SNTG1: variants seen among roughly 807,000 people sequenced by gnomAD.
SNTG1 encodes syntrophin gamma 1, also known as gamma-1-syntrophin.
Under a neutral mutation model 74.7 loss-of-function variants are expected in SNTG1, and 39 were observed. That is an observed-to-expected ratio of 0.52 (90% CI 0.40 to 0.68). SNTG1 has a LOEUF of 0.68. Ranked by LOEUF, SNTG1 falls within the 30% of genes least tolerant of loss-of-function variation. SNTG1 has a pLI of 0.00. For missense variants in SNTG1, 685 were observed against 609.5 expected, an observed-to-expected ratio of 1.12 and a Z score of -1.30; for synonymous variants, 254 against 217.1, an observed-to-expected ratio of 1.17 and a Z score of -1.49.
chr8:50,408,238 G>A (rs1447578337), intron 4 of SNTG1, among the ~76,000 whole-genome samples: 1 of 151,026 alleles, frequency 6.6e-6, no homozygotes, highest in Non-Finnish European at 1.5e-5. Context: ...TTTGGGAAGC[G>A]ACTATTATCA....
intron 8 of SNTG1, among the ~76,000 whole-genome samples, chr8:50,467,745 C>A (rs1343868859): frequency 6.6e-6 from 1 of 151,728 alleles, no homozygotes; most frequent in Non-Finnish European, 1.5e-5. Flanking sequence ...TTGATTTTAA[C>A]CTTCTTTACT....
chr8:50,541,037 A>G (rs1542613), intron 11 of SNTG1, among the ~76,000 whole-genome samples: 2 of 151,924 alleles, frequency 1.3e-5, no homozygotes, highest in Non-Finnish European at 2.9e-5. Flanking sequence ...ATATATTTTG[A>G]TTATACATCT....
intron 15 of SNTG1, among the ~76,000 whole-genome samples, chr8:50,666,374 G>T (rs775194944): frequency 6.6e-6 from 1 of 152,230 alleles, no homozygotes; most frequent in East Asian, 1.9e-4. Context: ...GAAGCCCAAG[G>T]ACTAGACCAC....
At chr8:50,495,636 T>C (rs1367563026) in intron 8 of SNTG1, among the ~76,000 whole-genome samples, 2 of 152,186 alleles carry the variant, frequency 1.3e-5, no homozygotes, top group African/African-American at 4.8e-5. Context: ...TACTTTCCAA[T>C]CCAACAGTAA....
intron 15 of SNTG1, among the ~76,000 whole-genome samples, chr8:50,671,982 G>A (rs1027854485): frequency 1.6e-4 from 23 of 143,572 alleles, no homozygotes; most frequent in Non-Finnish European, 3.1e-4. Context: ...CTCACAGATG[G>A]GAATTGAACA....
intron 17 of SNTG1, among the ~76,000 whole-genome samples, chr8:50,746,791 A>G (rs1004940376): frequency 1.3e-5 from 2 of 148,678 alleles, no homozygotes; most frequent in Non-Finnish European, 3.0e-5. Context: ...TGTAAGTCAT[A>G]TATATGTATA....
chr8:50,701,618 C>CTTCTTCTT (rs201341360), intron 15 of SNTG1, among the ~76,000 whole-genome samples: 106 of 136,974 alleles, frequency 7.7e-4, no homozygotes, highest in South Asian at 2.4e-3. Context: ...TCTTCTTCTT[C>CTTCTTCTT]GTGTTCCTCT....
intron 18 of SNTG1, among the ~76,000 whole-genome samples, chr8:50,777,988 T>C (rs1397750358): frequency 6.6e-6 from 1 of 152,138 alleles, no homozygotes; most frequent in Non-Finnish European, 1.5e-5. Context: ...TTACTGAGAA[T>C]GATGATTTCC....
intron 1 of SNTG1, among the ~76,000 whole-genome samples, chr8:50,026,817 T>C (rs960299917): frequency 6.6e-6 from 1 of 152,182 alleles, no homozygotes; most frequent in African/African-American, 2.4e-5. Context: ...GATTTTGCAT[T>C]GTTTAAAACC....
chr8:50,131,545 T>TAC (rs951863879), intron 1 of SNTG1, among the ~76,000 whole-genome samples: 4 of 151,948 alleles, frequency 2.6e-5, no homozygotes, highest in South Asian at 2.1e-4. Flanking sequence ...TACATATGTG[T>TAC]ACACACACAC....
intron 10 of SNTG1, among the ~76,000 whole-genome samples, chr8:50,531,241 C>T (rs2094264633): frequency 1.3e-5 from 2 of 152,104 alleles, no homozygotes; most frequent in Non-Finnish European, 2.9e-5. Context: ...AAGAAATTTG[C>T]CAACACCAAA....
chr8:50,488,669 A>T lies in SNTG1; in HGVS notation c.364-14109A>T, dbSNP rs1489077391. Among the ~76,000 whole-genome samples the T allele has an allele frequency of 2.0e-5, 3 of 152,176 alleles. No individual in the cohort carries two copies. The East Asian group carries it at 5.8e-4, about 29-fold the overall frequency. The stretch of plus-strand genomic sequence containing the variant: ...CCTTGAAAATGAGCACTAGGCAATG[A>T]CCATGATGACAGCAAGCCATGTTAT... On this transcript the variant is annotated intron_variant, in intron 8 of 18. Transcript: ENST00000642720.
intron 2 of SNTG1, among the ~76,000 whole-genome samples, chr8:50,307,118 TG>T (rs1039390411): frequency 1.3e-5 from 2 of 152,084 alleles, no homozygotes; most frequent in African/African-American, 4.8e-5. Context: ...AATTCTTTGT[TG>T]TTCCGCTAAT....
At chr8:50,698,464 C>T (rs2095412449) in intron 15 of SNTG1, among the ~76,000 whole-genome samples, 1 of 152,088 alleles carries the variant, frequency 6.6e-6, no homozygotes, top group Non-Finnish European at 1.5e-5. Context: ...CAAATCCCCT[C>T]CTGTACTGGT....
intron 1 of SNTG1, among the ~76,000 whole-genome samples, chr8:50,030,815 A>G (rs1451562711): frequency 6.6e-6 from 1 of 151,966 alleles, no homozygotes; most frequent in Non-Finnish European, 1.5e-5. Flanking sequence ...TGCTTTAGCT[A>G]TTCTTAAATC....
At chr8:50,602,200 T>C (rs1442436650) in intron 13 of SNTG1, among the ~76,000 whole-genome samples, 1 of 152,130 alleles carries the variant, frequency 6.6e-6, no homozygotes, top group East Asian at 1.9e-4. Flanking sequence ...TCTTATTTCC[T>C]TTCATCTAGT....
intron 18 of SNTG1, among the ~76,000 whole-genome samples, chr8:50,768,151 C>T (rs2095618454): frequency 6.6e-6 from 1 of 151,882 alleles, no homozygotes; most frequent in Non-Finnish European, 1.5e-5. Context: ...AAGTCCCCAC[C>T]ATCTCAGGTA....
In SNTG1 at chr8:50,355,219, T is replaced by C. The variant is rs181560265; in HGVS notation, c.-27-38993T>C. Among the ~76,000 whole-genome samples, 342 of 152,046 alleles carry C rather than the reference T, an allele frequency of 2.2e-3. 1 individual carries two copies. The highest frequency in any genetic ancestry group is 8.0e-3 in the African/African-American group (330 of 41,450). On this transcript the variant is annotated intron_variant, in intron 2 of 18. Transcript: ENST00000642720. ...GAGAAAAAATTAAGCCAAGCAGCTA[T>C]GTAGTGAAACACTTGGAAATTAAAT...
intron 1 of SNTG1, among the ~76,000 whole-genome samples, chr8:49,930,651 C>G (rs1807494304): frequency 6.6e-6 from 1 of 151,888 alleles, no homozygotes; most frequent in Admixed American, 6.6e-5. Context: ...AGTAAGAACA[C>G]CAGTAAAACC....
Sources: allele counts gnomAD v4.1 joint callset (sites outside exome capture counted in the v4.1 genomes callset), GRCh38; gene constraint gnomAD v4.1.1; transcripts MANE v1.5; gene names NCBI Gene and HGNC (gene_info 2026-07-23, HGNC 2026-07-21).